The following DLGAP2 variants were observed in gnomAD, a reference collection of about 807,000 sequenced individuals.
DLGAP2 encodes the protein disks large-associated protein 2.
DLGAP2 carries 26 observed loss-of-function variants against 100.3 expected under a neutral mutation model. The ratio of observed to expected loss-of-function variants is 0.26; its 90% CI spans 0.19 to 0.36. The LOEUF (loss-of-function observed/expected upper bound fraction) is 0.36, where lower values mean the gene tolerates loss of function less well. Among genes scored for constraint, DLGAP2 ranks in the 10% least tolerant of loss-of-function variants. The probability of loss-of-function intolerance (pLI) is 1.00; values close to 1 mark genes in which losing one functional copy is unlikely to be tolerated. For synonymous variants in DLGAP2, 886 were observed against 630.1 expected, an observed-to-expected ratio of 1.41 and a Z score of -6.08; for missense variants, 1,858 against 1,453.2, an observed-to-expected ratio of 1.28 and a Z score of -4.53.
At chr8:1,280,823 A>C (rs1488665341) in intron 3 of DLGAP2, among the ~76,000 whole-genome samples, 1 of 152,186 alleles carries the variant, frequency 6.6e-6, no homozygotes, top group Admixed American at 6.5e-5. Flanking sequence ...GAGATTCTTA[A>C]ATGGGACACA....
intron 3 of DLGAP2, among the ~76,000 whole-genome samples, chr8:1,349,927 C>G (rs1305823899): frequency 1.3e-5 from 2 of 152,206 alleles, no homozygotes; most frequent in African/African-American, 4.8e-5. Flanking sequence ...TTGCCTATAT[C>G]TCTAGGCAGA....
intron 3 of DLGAP2, among the ~76,000 whole-genome samples, chr8:1,310,645 G>GT (rs367757053): frequency 0.026 from 3,880 of 151,478 alleles, 61 homozygotes; most frequent in Middle Eastern, 0.051. Context: ...AAAAAGTTGG[G>GT]TTTTTTTTTG....
intron 2 of DLGAP2, among the ~76,000 whole-genome samples, chr8:951,438 A>T (rs1377123878): frequency 6.6e-6 from 1 of 152,034 alleles, no homozygotes; most frequent in East Asian, 1.9e-4. Context: ...TTTAATAGAG[A>T]TGGGGTTTTG....
intron 1 of DLGAP2, among the ~76,000 whole-genome samples, chr8:784,008 AAT>A (rs1175884421): frequency 6.6e-6 from 1 of 152,222 alleles, no homozygotes; most frequent in Non-Finnish European, 1.5e-5. Context: ...CCATCGCCAG[AAT>A]AACACACTTA....
At chr8:1,133,153 T>G (rs1317892752) in intron 2 of DLGAP2, among the ~76,000 whole-genome samples, 2 of 152,170 alleles carry the variant, frequency 1.3e-5, no homozygotes, top group Admixed American at 1.3e-4. Flanking sequence ...CCTTGGCTAT[T>G]GTTTTAGGTG....
intron 1 of DLGAP2, among the ~76,000 whole-genome samples, chr8:788,659 A>G (rs898707123): frequency 1.3e-5 from 2 of 152,262 alleles, no homozygotes; most frequent in African/African-American, 4.8e-5. Context: ...GAAGAAGCCC[A>G]GAGCGGGCAG....
At chr8:1,177,678 G>C (rs1029348797) in intron 2 of DLGAP2, among the ~76,000 whole-genome samples, 2 of 152,200 alleles carry the variant, frequency 1.3e-5, no homozygotes, top group Non-Finnish European at 2.9e-5. Context: ...AATAATAGAA[G>C]TTTATTTCTC....
intron 3 of DLGAP2, among the ~76,000 whole-genome samples, chr8:1,268,192 A>T (rs147671944): frequency 1.1e-4 from 16 of 152,156 alleles, no homozygotes; most frequent in Non-Finnish European, 2.1e-4. Flanking sequence ...TTTTACCTCC[A>T]TGATAGTCTC....
At chr8:967,763 G>GTGTATATATATATA (rs1210526497) in intron 2 of DLGAP2, among the ~76,000 whole-genome samples, 1 of 58,362 alleles carries the variant, frequency 1.7e-5, no homozygotes, top group African/African-American at 5.9e-5. Context: ...CAACAAAGAG[G>GTGTATATATATATA]TGTATATATA....
chr8:1,588,847 G>A (rs187454832), intron 6 of DLGAP2, among the ~76,000 whole-genome samples: 128 of 152,024 alleles, frequency 8.4e-4, no homozygotes, highest in Middle Eastern at 3.4e-3. Context: ...CCTTGACCCC[G>A]GGAGGTGGAG....
intron 2 of DLGAP2, among the ~76,000 whole-genome samples, chr8:1,022,813 C>G (rs572029449): frequency 1.3e-5 from 2 of 152,256 alleles, no homozygotes; most frequent in South Asian, 4.1e-4. Flanking sequence ...ACCCATCCCC[C>G]CCGGGAGTGG....
chr8:1,072,299 A>G (rs752903329), intron 2 of DLGAP2, among the ~76,000 whole-genome samples: 15 of 152,164 alleles, frequency 9.9e-5, no homozygotes, highest in Non-Finnish European at 2.1e-4. Context: ...ACATTGTAAT[A>G]ACATTTTGGA....
At chr8:1,071,985 G>A (rs1803445086) in intron 2 of DLGAP2, among the ~76,000 whole-genome samples, 1 of 152,186 alleles carries the variant, frequency 6.6e-6, no homozygotes. Flanking sequence ...TCAGTGTGCT[G>A]GACATTGGCC....
At chr8:897,592 G>A (rs1329223808) in intron 1 of DLGAP2, among the ~76,000 whole-genome samples, 1 of 152,256 alleles carries the variant, frequency 6.6e-6, no homozygotes, top group African/African-American at 2.4e-5. Flanking sequence ...GTGTGCGAGC[G>A]CGAAGGGCTG....
chr8:1,409,569 C>G (rs1415915981), intron 3 of DLGAP2, among the ~76,000 whole-genome samples: 1 of 151,750 alleles, frequency 6.6e-6, no homozygotes, highest in Non-Finnish European at 1.5e-5. Context: ...GATGGTGAAT[C>G]TTCTCCGTCA....
In DLGAP2 at chr8:1,054,507, A is replaced by G. The variant is rs552247597; in HGVS notation, c.73+146541A>G. The stretch of plus-strand genomic sequence containing the variant: ...ATAAGTGCTGTCATTAAAGTAGTCT[A>G]ACTTACTGTATATTAGAATATATGA... On this transcript the variant is annotated intron_variant, in intron 2 of 14. Coordinates refer to ENST00000637795, the MANE Select transcript of DLGAP2 (RefSeq NM_001346810.2). Among the ~76,000 whole-genome samples the G allele has an allele frequency of 8.7e-4, 133 of 152,310 alleles. 1 individual carries two copies. The highest frequency in any genetic ancestry group is 3.1e-3 in the African/African-American group (128 of 41,564).
intron 2 of DLGAP2, among the ~76,000 whole-genome samples, chr8:1,153,632 A>G (rs894947649): frequency 1.3e-5 from 2 of 152,196 alleles, no homozygotes; most frequent in Non-Finnish European, 2.9e-5. Context: ...TATTTTTTAG[A>G]CTTTTCACAG....
At chr8:1,374,159 T>G (rs1802332701) in intron 3 of DLGAP2, among the ~76,000 whole-genome samples, 1 of 149,736 alleles carries the variant, frequency 6.7e-6, no homozygotes. Flanking sequence ...GTGTGGAGGT[T>G]AGGTTAGGTT....
chr8:1,050,392 G>A (rs1008816053), intron 2 of DLGAP2, among the ~76,000 whole-genome samples: 1 of 152,156 alleles, frequency 6.6e-6, no homozygotes, highest in Admixed American at 6.5e-5. Context: ...TATAAAACAG[G>A]CCTTGTGCGA....
Sources: allele counts gnomAD v4.1 joint callset (sites outside exome capture counted in the v4.1 genomes callset), GRCh38; gene constraint gnomAD v4.1.1; transcripts MANE v1.5; gene names NCBI Gene and HGNC (gene_info 2026-07-23, HGNC 2026-07-21).